Variants in BMP7 observed in about 807,000 individuals in gnomAD.
BMP7 encodes bone morphogenetic protein 7.
Under a neutral mutation model 41.2 loss-of-function variants are expected in BMP7, and 12 were observed. That is an observed-to-expected ratio of 0.29 (90% confidence interval 0.19 to 0.47). The LOEUF (loss-of-function observed/expected upper bound fraction) is 0.47. BMP7 is among the 20% of genes least tolerant of loss of function. BMP7 has a pLI of 0.99. For synonymous variants in BMP7, 248 were observed against 250.0 expected (o/e 0.99, Z 0.07); for missense variants, 467 against 606.0 (o/e 0.77, Z 2.41).
chr20:57,175,688 GTC>G (rs1018801017), intron 4 of BMP7, among the ~76,000 whole-genome samples: 2 of 152,186 alleles, frequency 1.3e-5, no homozygotes, highest in Non-Finnish European at 2.9e-5. Flanking sequence ...TGTCTGTCTT[GTC>G]TCTCTCTCAC....
intron 3 of BMP7, among the ~76,000 whole-genome samples, chr20:57,197,755 C>T (rs1984527197): frequency 1.3e-5 from 2 of 152,210 alleles, no homozygotes; most frequent in African/African-American, 2.4e-5. Flanking sequence ...TTTCTTCTTC[C>T]AGCCGCCTAC....
chr20:57,242,115 G>T (rs1423468031), intron 1 of BMP7, among the ~76,000 whole-genome samples: 2 of 152,162 alleles, frequency 1.3e-5, no homozygotes, highest in African/African-American at 4.8e-5. Flanking sequence ...GAAATTGAGG[G>T]AAAAGAACCA....
intron 1 of BMP7, among the ~76,000 whole-genome samples, chr20:57,229,220 G>A (rs137966280): frequency 3.9e-5 from 6 of 152,282 alleles, no homozygotes; most frequent in East Asian, 1.9e-4. Context: ...CAGCTACTCC[G>A]ACCCCCTCCT....
intron 1 of BMP7, among the ~76,000 whole-genome samples, chr20:57,236,860 C>T (rs939657864): frequency 1.3e-5 from 2 of 152,116 alleles, no homozygotes; most frequent in Admixed American, 1.3e-4. Context: ...CCAGGCAAAG[C>T]CGCCTTCATT....
intron 3 of BMP7, among the ~76,000 whole-genome samples, chr20:57,192,450 CAGG>C (rs1235812793): frequency 6.6e-6 from 1 of 150,928 alleles, no homozygotes; most frequent in Non-Finnish European, 1.5e-5. Context: ...GGTTATTTTG[CAGG>C]AGAACAATTC....
intron 1 of BMP7, among the ~76,000 whole-genome samples, chr20:57,233,652 A>C (rs1159557091): frequency 6.6e-6 from 1 of 152,160 alleles, no homozygotes; most frequent in African/African-American, 2.4e-5. Flanking sequence ...TCTCCCTAAC[A>C]TCTGGGGTTC....
intron 1 of BMP7, among the ~76,000 whole-genome samples, chr20:57,254,819 A>G (rs188941747): frequency 4.7e-4 from 71 of 152,306 alleles, no homozygotes; most frequent in African/African-American, 1.6e-3. Context: ...ATGCTGGGAC[A>G]TACGGAAAAA....
intron 1 of BMP7, among the ~76,000 whole-genome samples, chr20:57,249,168 G>A (rs1433098512): frequency 1.3e-5 from 2 of 152,034 alleles, no homozygotes; most frequent in Non-Finnish European, 2.9e-5. Context: ...CCATTAGGAT[G>A]TGTATCTCTT....
intron 3 of BMP7, among the ~76,000 whole-genome samples, chr20:57,196,540 A>AGGT (rs1984494821): frequency 6.6e-6 from 1 of 152,196 alleles, no homozygotes; most frequent in East Asian, 1.9e-4. Flanking sequence ...CTTCCAACAT[A>AGGT]GGTGGAGAGG....
At chr20:57,241,224 C>A (rs1276715046) in intron 1 of BMP7, among the ~76,000 whole-genome samples, 1 of 152,176 alleles carries the variant, frequency 6.6e-6, no homozygotes, top group Admixed American at 6.5e-5. Flanking sequence ...GCTGTGGCAA[C>A]GATTCAATAA....
chr20:57,244,807 CAGG>C (rs2066083330), intron 1 of BMP7, among the ~76,000 whole-genome samples: 1 of 152,204 alleles, frequency 6.6e-6, no homozygotes, highest in African/African-American at 2.4e-5. Flanking sequence ...TTCCCCAGGA[CAGG>C]AGGAGCCTGC....
intron 3 of BMP7, among the ~76,000 whole-genome samples, chr20:57,193,272 C>A (rs1174530713): frequency 2.0e-5 from 3 of 152,238 alleles, no homozygotes; most frequent in African/African-American, 7.2e-5. Flanking sequence ...TGGCTCCCAA[C>A]TGGGGTGATG....
At chr20:57,194,157 AT>A (rs1177571997) in intron 3 of BMP7, among the ~76,000 whole-genome samples, 11 of 152,148 alleles carry the variant, frequency 7.2e-5, no homozygotes, top group Non-Finnish European at 1.3e-4. Context: ...TGCCTACTGC[AT>A]TTTCCTTCCA....
chr20:57,206,970 C>T (rs968969681), intron 2 of BMP7, among the ~76,000 whole-genome samples: 1 of 152,202 alleles, frequency 6.6e-6, no homozygotes, highest in Non-Finnish European at 1.5e-5. Flanking sequence ...CCTATGTTCA[C>T]AGTAGTGTTA....
chr20:57,250,731 A>T (rs1464715011), intron 1 of BMP7, among the ~76,000 whole-genome samples: 2 of 152,158 alleles, frequency 1.3e-5, no homozygotes, highest in East Asian at 3.8e-4. Context: ...GTCTAAACCC[A>T]GCAGGTTGCC....
chr20:57,205,211 A>G (rs1984704018), intron 2 of BMP7, among the ~76,000 whole-genome samples: 1 of 152,220 alleles, frequency 6.6e-6, no homozygotes, highest in Non-Finnish European at 1.5e-5. Flanking sequence ...CAGAGAGATG[A>G]CAGAAGCAAG....
At chr20:57,239,673 G>A (rs2066061757) in intron 1 of BMP7, among the ~76,000 whole-genome samples, 1 of 152,192 alleles carries the variant, frequency 6.6e-6, no homozygotes, top group Non-Finnish European at 1.5e-5. Flanking sequence ...CTTTTGCCTG[G>A]GCATCCAGGC....
rs930341060 is a variant in BMP7 at position 57,213,866 on chromosome 20, C to T, written c.612-11243G>A. On this transcript the variant is annotated intron_variant, in intron 2 of 6. Transcript: ENST00000395863. This position sits in a 1 kb window ranked among gnomAD's most constrained non-coding sequence, Gnocchi z 4.4. ...TCTTTTGTTTGTAAAATGGAGGTAG[C>T]CATGAGGATTGTTCTGAGAATGAGT... is the stretch of plus-strand genomic sequence containing the variant. Among the ~76,000 whole-genome samples the T allele has an allele frequency of 5.3e-5, 8 of 152,286 alleles. No individual in the cohort carries two copies. The highest frequency in any genetic ancestry group is 2.1e-4 in the South Asian group (1 of 4,822).
intron 5 of BMP7, among the ~76,000 whole-genome samples, chr20:57,173,900 C>T (rs556709618): frequency 7.2e-5 from 11 of 152,304 alleles, no homozygotes; most frequent in African/African-American, 1.4e-4. Context: ...GTGCACTGGT[C>T]AGTAAGGGAT....
Sources: gnomAD v4.1 joint callset for allele counts (sites outside exome capture counted in the v4.1 genomes callset) on GRCh38, gnomAD v4.1.1 for gene constraint, Gnocchi (gnomAD v3.1) non-coding constraint, MANE v1.5 for transcripts, NCBI Gene and HGNC (gene_info 2026-07-23, HGNC 2026-07-21) for gene names.